HELZ: variants seen among roughly 807,000 people sequenced by gnomAD.
HELZ encodes ATP-dependent RNA helicase with zinc finger domain.
Under a neutral mutation model 218.2 loss-of-function variants are expected in HELZ, and 23 were observed. That is an observed-to-expected ratio of 0.11 (90% CI 0.08 to 0.15). The LOEUF (loss-of-function observed/expected upper bound fraction) is 0.15, where lower values mean the gene tolerates loss of function less well. HELZ is among the 10% of genes least tolerant of loss of function. The pLI, the probability that HELZ is intolerant of heterozygous loss-of-function variation, is 1.00. For synonymous variants in HELZ, 814 were observed against 829.4 expected, an observed-to-expected ratio of 0.98 and a Z score of 0.32; for missense variants, 1,813 against 2,353.7, an observed-to-expected ratio of 0.77 and a Z score of 4.75.
At chr17:67,145,948 C>CA in intron 20 of HELZ, 58 bp from the exon 21 acceptor site, 2 of 1,483,452 alleles carry the variant, frequency 1.3e-6, no homozygotes, top group Admixed American at 2.3e-5. Context: ...TTAATTTCAC[C>CA]CATAAGAAAA....
chr17:67,093,817 CA>C (rs1355148806), intron 31 of HELZ, among the ~76,000 whole-genome samples: 1 of 152,152 alleles, frequency 6.6e-6, no homozygotes, highest in Non-Finnish European at 1.5e-5. Context: ...AAACTCTAAA[CA>C]AATAAATTGC....
chr17:67,103,993 G>A (rs2037011198), intron 31 of HELZ, among the ~76,000 whole-genome samples: 1 of 152,192 alleles, frequency 6.6e-6, no homozygotes, highest in South Asian at 2.1e-4. Context: ...TTCAATGGGG[G>A]AAAGGAGTCT....
intron 8 of HELZ, among the ~76,000 whole-genome samples, chr17:67,194,297 G>A (rs773723977): frequency 3.9e-5 from 6 of 152,312 alleles, no homozygotes; most frequent in East Asian, 1.9e-4. Context: ...GCAACTGGTG[G>A]ACAGGTTTCC....
intron 5 of HELZ, among the ~76,000 whole-genome samples, chr17:67,209,470 C>A (rs1320056906): frequency 2.6e-5 from 4 of 152,162 alleles, no homozygotes; most frequent in African/African-American, 9.6e-5. Context: ...TGGTGGTGGG[C>A]GCCTGTAATC....
chr17:67,188,738 T>C lies in HELZ; in HGVS notation c.865-122A>G, dbSNP rs1040519581. On this transcript the variant is annotated intron_variant, in intron 11 of 32. Coordinates refer to ENST00000358691, the MANE Select transcript of HELZ (RefSeq NM_014877.4). This position sits in a 1 kb window ranked among gnomAD's most constrained non-coding sequence, Gnocchi z 4.1. ...ACTTCCCCAAGCTTCTAAGATACTA[T>C]AGCCATTTAAGAAAAAAATCAGAAT... 5 of 722,068 alleles carry C rather than the reference T, an allele frequency of 6.9e-6. No individual in the cohort carries two copies. The highest frequency in any genetic ancestry group is 1.1e-5 in the Non-Finnish European group (5 of 447,382). The allele number at this position is 722,068 out of a possible 1,614,324, so 44.7% of individuals were successfully genotyped here.
intron 5 of HELZ, among the ~76,000 whole-genome samples, chr17:67,215,115 G>T (rs926023693): frequency 2.0e-5 from 3 of 151,838 alleles, no homozygotes; most frequent in African/African-American, 7.3e-5. Flanking sequence ...CCCCACTCCA[G>T]CCCAGGAGAC....
chr17:67,213,373 C>T (rs754888637), intron 5 of HELZ, among the ~76,000 whole-genome samples: 1 of 152,114 alleles, frequency 6.6e-6, no homozygotes, highest in Non-Finnish European at 1.5e-5. Context: ...TCTGTAATCC[C>T]GGCACTTTGG....
intron 31 of HELZ, among the ~76,000 whole-genome samples, chr17:67,106,270 A>G (rs2037096335): frequency 6.6e-6 from 1 of 151,870 alleles, no homozygotes; most frequent in South Asian, 2.1e-4. Flanking sequence ...AAAAGTCCAT[A>G]AAGATGCTCT....
At chr17:67,241,113 A>G (rs9894305) in intron 2 of HELZ, among the ~76,000 whole-genome samples, 45,786 of 152,098 alleles carry the variant, frequency 0.3, 9,195 homozygotes, top group African/African-American at 0.58. Context: ...ATGGTAAGAT[A>G]GTATGGCATA....
intron 23 of HELZ, among the ~76,000 whole-genome samples, chr17:67,135,677 C>T (rs1315399786): frequency 6.6e-6 from 1 of 152,238 alleles, no homozygotes; most frequent in Non-Finnish European, 1.5e-5. Flanking sequence ...GTAAGCCCCA[C>T]AAGGGCAGAG....
intron 5 of HELZ, among the ~76,000 whole-genome samples, chr17:67,204,818 T>C (rs2040255481): frequency 6.6e-6 from 1 of 152,076 alleles, no homozygotes; most frequent in South Asian, 2.1e-4. Context: ...TAAGGAGTTA[T>C]CAAGTGAAAA....
intron 17 of HELZ, among the ~76,000 whole-genome samples, chr17:67,152,252 T>C (rs1331650576): frequency 6.6e-6 from 1 of 152,174 alleles, no homozygotes; most frequent in Non-Finnish European, 1.5e-5. Context: ...AACATGAACC[T>C]GAGAAGTCGT....
chr17:67,079,929 T>C (rs1045172007), intron 32 of HELZ, among the ~76,000 whole-genome samples: 1 of 152,222 alleles, frequency 6.6e-6, no homozygotes, highest in Non-Finnish European at 1.5e-5. Context: ...AATACTATTC[T>C]TTTGTCATAT....
intron 15 of HELZ, among the ~76,000 whole-genome samples, chr17:67,165,168 C>G (rs993956720): frequency 6.6e-6 from 1 of 152,142 alleles, no homozygotes; most frequent in African/African-American, 2.4e-5. Flanking sequence ...AGAAAGAATA[C>G]TGGAAACACG....
chr17:67,238,866 T>C (rs2041253534), intron 3 of HELZ, among the ~76,000 whole-genome samples: 1 of 152,152 alleles, frequency 6.6e-6, no homozygotes, highest in African/African-American at 2.4e-5. Context: ...CTGTTTTTAA[T>C]TAACAGGTAT....
intron 6 of HELZ, among the ~76,000 whole-genome samples, chr17:67,202,134 C>G (rs779059990): frequency 4.6e-5 from 7 of 151,960 alleles, no homozygotes; most frequent in African/African-American, 1.2e-4. Flanking sequence ...GGAATTCACA[C>G]AGCAGAGCAA....
At chr17:67,236,583 A>G (rs2041192033) in intron 3 of HELZ, among the ~76,000 whole-genome samples, 1 of 152,208 alleles carries the variant, frequency 6.6e-6, no homozygotes. Context: ...CAGCCTTTCA[A>G]TATATAAAGT....
intron 3 of HELZ, among the ~76,000 whole-genome samples, chr17:67,221,816 T>C (rs2040751505): frequency 6.6e-6 from 1 of 151,958 alleles, no homozygotes; most frequent in Non-Finnish European, 1.5e-5. Context: ...ATAAAGTTTT[T>C]TGTTGTTGTT....
chr17:67,085,937 C>A (rs572210893), intron 32 of HELZ, among the ~76,000 whole-genome samples: 39 of 152,198 alleles, frequency 2.6e-4, no homozygotes, highest in Admixed American at 1.8e-3. Flanking sequence ...CCTTTCTATG[C>A]CTTTTTTGTT....
Sources: allele counts gnomAD v4.1 joint callset (sites outside exome capture counted in the v4.1 genomes callset), GRCh38; gene constraint gnomAD v4.1.1; non-coding constraint Gnocchi (gnomAD v3.1); transcripts MANE v1.5; gene names NCBI Gene and HGNC (gene_info 2026-07-23, HGNC 2026-07-21).